Variants in ARHGEF3 observed in about 807,000 individuals in gnomAD.
The protein encoded by ARHGEF3 is Rho guanine nucleotide exchange factor 3.
A neutral mutation model predicts 63.2 loss-of-function variants in ARHGEF3; 28 were observed. The observed-to-expected ratio is 0.44, with a 90% CI of 0.33 to 0.61. ARHGEF3 has a LOEUF of 0.61. Among genes scored for constraint, ARHGEF3 ranks in the 20% least tolerant of loss-of-function variants. The pLI, the probability that ARHGEF3 is intolerant of heterozygous loss-of-function variation, is 0.03. For missense variants in ARHGEF3, 533 were observed against 659.3 expected (o/e 0.81, Z 2.10); for synonymous variants, 266 against 254.2 (o/e 1.05, Z -0.44).
chr3:56,749,476 T>C (rs892509525), intron 6 of ARHGEF3, among the ~76,000 whole-genome samples: 2 of 152,224 alleles, frequency 1.3e-5, no homozygotes, highest in African/African-American at 4.8e-5. Flanking sequence ...GGAGTTATCC[T>C]ACAAATTCTG....
chr3:56,892,758 C>T (rs1282867592), intron 3 of ARHGEF3, among the ~76,000 whole-genome samples: 1 of 152,188 alleles, frequency 6.6e-6, no homozygotes, highest in Non-Finnish European at 1.5e-5. Context: ...GTCAGTTTTT[C>T]GTTCACTTGG....
chr3:56,739,403 T>C (rs1196954892), intron 7 of ARHGEF3, among the ~76,000 whole-genome samples: 9 of 150,594 alleles, frequency 6.0e-5, no homozygotes, highest in African/African-American at 2.4e-5. Context: ...TTCCTTTTTT[T>C]TTTTTTTTTT....
At chr3:56,975,145 C>T (rs1433679665) in intron 2 of ARHGEF3, among the ~76,000 whole-genome samples, 2 of 152,114 alleles carry the variant, frequency 1.3e-5, no homozygotes, top group Non-Finnish European at 2.9e-5. Context: ...TGGCTGAGTG[C>T]GGTGGCTCAC....
intron 1 of ARHGEF3, among the ~76,000 whole-genome samples, chr3:56,776,405 C>T (rs968795779): frequency 2.0e-5 from 3 of 152,126 alleles, no homozygotes; most frequent in South Asian, 4.1e-4. Context: ...AACCAGAAGC[C>T]GTTGCTGTGT....
chr3:56,859,981 C>T (rs1023424289), intron 4 of ARHGEF3, among the ~76,000 whole-genome samples: 8 of 151,570 alleles, frequency 5.3e-5, no homozygotes, highest in Admixed American at 6.6e-5. Context: ...GGTAACATGG[C>T]GAAACCCTGT....
intron 2 of ARHGEF3, among the ~76,000 whole-genome samples, chr3:57,004,212 C>A (rs13081899): frequency 6.6e-6 from 1 of 152,052 alleles, no homozygotes; most frequent in Admixed American, 6.5e-5. Context: ...AGAATGTCCT[C>A]GTCAGCCACA....
chr3:56,872,086 C>A (rs970738253), intron 4 of ARHGEF3, among the ~76,000 whole-genome samples: 1 of 152,192 alleles, frequency 6.6e-6, no homozygotes, highest in Non-Finnish European at 1.5e-5. Flanking sequence ...GCTCTAACCA[C>A]AAATTTGTTT....
rs561918499 is a variant in ARHGEF3, at chr3:56,905,276, C to T, written c.130-22922G>A. On this transcript the variant is annotated intron_variant, in intron 3 of 12. Transcript: ENST00000338458. ...TCAACCTCTCTCACATCCCAGCCAT[C>T]GCTTCCTTCTGCATTCTTCCAGACC... is the stretch of plus-strand genomic sequence containing the variant. Among the ~76,000 whole-genome samples, 304 of 152,308 alleles carry T rather than the reference C, an allele frequency of 2.0e-3. 14 individuals are homozygous for T. The South Asian group carries it at 0.059, about 30-fold the overall frequency.
Position 56,751,405 on chromosome 3 carries a change from A to G in ARHGEF3, c.439-9T>C. The G allele has an allele frequency of 6.2e-7, 1 of 1,608,310 alleles. No individual in the cohort carries two copies. Among genetic ancestry groups the G allele is most frequent in the South Asian group, 1.1e-5 (1 of 90,952 alleles). On this transcript the variant is annotated splice_polypyrimidine_tract_variant and intron_variant, in intron 4 of 9. Transcript: ENST00000296315. Reference sequence around the variant, plus strand: ...ATGGGGTCATGATAGGCCTGCACAAAAACGGCAAGAGATGGAAGCACATGT... The same window carrying G: ...ATGGGGTCATGATAGGCCTGCACAAGAACGGCAAGAGATGGAAGCACATGT...
chr3:56,903,768 T>A (rs2041599051), intron 3 of ARHGEF3, among the ~76,000 whole-genome samples: 1 of 152,122 alleles, frequency 6.6e-6, no homozygotes, highest in South Asian at 2.1e-4. Context: ...ATTTTTTTTT[T>A]AATCTCAAGA....
At chr3:56,782,171 C>T (rs894315564) in intron 1 of ARHGEF3, among the ~76,000 whole-genome samples, 1 of 152,166 alleles carries the variant, frequency 6.6e-6, no homozygotes, top group Admixed American at 6.5e-5. Context: ...AATATTTTTT[C>T]TGTTCTTTTT....
intron 1 of ARHGEF3, among the ~76,000 whole-genome samples, chr3:56,785,925 C>T (rs1432401262): frequency 6.6e-6 from 1 of 152,134 alleles, no homozygotes; most frequent in South Asian, 2.1e-4. Flanking sequence ...AGTTGGTTTC[C>T]GTTTTTGACA....
intron 2 of ARHGEF3, among the ~76,000 whole-genome samples, chr3:56,760,665 A>C (rs1384116602): frequency 6.6e-6 from 1 of 151,790 alleles, no homozygotes. Flanking sequence ...CTAAGATTCA[A>C]AACCAGATCT....
At chr3:56,733,962 C>T (rs1009359027) in intron 8 of ARHGEF3, among the ~76,000 whole-genome samples, 10 of 110,402 alleles carry the variant, frequency 9.1e-5, no homozygotes, top group South Asian at 3.2e-4. Context: ...CCAGTCTGGG[C>T]GACAAAAGCA....
At chr3:56,907,696 AT>A (rs2041731107) in intron 3 of ARHGEF3, among the ~76,000 whole-genome samples, 1 of 152,228 alleles carries the variant, frequency 6.6e-6, no homozygotes, top group Admixed American at 6.5e-5. Flanking sequence ...CATAAAAAGA[AT>A]GAGATCATGT....
intron 2 of ARHGEF3, among the ~76,000 whole-genome samples, chr3:57,002,602 T>C (rs1309018812): frequency 6.9e-6 from 1 of 145,548 alleles, no homozygotes; most frequent in Non-Finnish European, 1.5e-5. Flanking sequence ...GTAATATATA[T>C]ACTTTGAGTT....
intron 2 of ARHGEF3, among the ~76,000 whole-genome samples, chr3:56,969,361 T>C (rs1700804892): frequency 8.8e-6 from 1 of 113,970 alleles, no homozygotes; most frequent in Non-Finnish European, 1.9e-5. Flanking sequence ...CTCATTTATA[T>C]AAAGAAGTGT....
chr3:56,860,740 C>T (rs533112106), intron 4 of ARHGEF3, among the ~76,000 whole-genome samples: 18 of 152,146 alleles, frequency 1.2e-4, no homozygotes, highest in African/African-American at 4.1e-4. Context: ...CCATGGAAGC[C>T]CCTGGAAGTT....
intron 4 of ARHGEF3, among the ~76,000 whole-genome samples, chr3:56,879,813 A>G (rs2040707818): frequency 6.6e-6 from 1 of 152,220 alleles, no homozygotes; most frequent in South Asian, 2.1e-4. Flanking sequence ...CCATTTACTT[A>G]TTAGAGCAAT....
Sources: gnomAD v4.1 joint callset for allele counts (sites outside exome capture counted in the v4.1 genomes callset) on GRCh38, gnomAD v4.1.1 for gene constraint, MANE v1.5 for transcripts, NCBI Gene and HGNC (gene_info 2026-07-23, HGNC 2026-07-21) for gene names.